The following ZNF701 variants were observed in gnomAD, a reference collection of about 807,000 sequenced individuals.
The protein encoded by ZNF701 is zinc finger protein 701.
Under a neutral mutation model 7.1 loss-of-function variants are expected in ZNF701, and 6 were observed. That is an observed-to-expected ratio of 0.84 (90% CI 0.46 to 1.66). The LOEUF is 1.66. Ranked by LOEUF, ZNF701 falls within the 40% of genes most tolerant of loss-of-function variation. The pLI is 0.01. For synonymous variants in ZNF701, 166 were observed against 188.2 expected (o/e 0.88, Z 0.97); for missense variants, 541 against 559.2 (o/e 0.97, Z 0.33).
chr19:52,575,514 A>AT (rs2059928820), intron 2 of ZNF701, among the ~76,000 whole-genome samples: 1 of 151,150 alleles, frequency 6.6e-6, no homozygotes, highest in African/African-American at 2.4e-5. Context: ...ATTTTATTTT[A>AT]TTTTGAGAGA....
chr19:52,581,378 C>T (rs1232285196), intron 3 of ZNF701, among the ~76,000 whole-genome samples: 2 of 152,104 alleles, frequency 1.3e-5, no homozygotes, highest in Non-Finnish European at 2.9e-5. Flanking sequence ...CACCACCACA[C>T]CTGGCTACTT....
chr19:52,599,211 T>A, the ZNF701 span, among the ~76,000 whole-genome samples: 1 of 151,906 alleles, frequency 6.6e-6, no homozygotes, highest in Admixed American at 6.6e-5. Flanking sequence ...TTTTTTTTTT[T>A]AGAAATTAAA....
At position 52,584,954 on chromosome 19, in the gene ZNF701, G is replaced by A. The variant is rs2146998805; in HGVS notation, c.*1497G>A. On this transcript the variant is annotated 3_prime_UTR_variant, in exon 4 of 4. Transcript: ENST00000391785. ...GACCCGGAAGCTGATGGCATGGACT[G>A]AAGGTTGCCCCGTTGAGTTTGCGCT... The A allele has an allele frequency of 6.6e-6, 1 of 152,478 alleles. No homozygotes were observed. The highest frequency in any genetic ancestry group is 1.5e-5 in the Non-Finnish European group (1 of 68,150). 9.4% of individuals were successfully genotyped at this position (152,478 alleles called of 1,614,324 possible).
the ZNF701 span, among the ~76,000 whole-genome samples, chr19:52,599,701 G>A: frequency 3.9e-5 from 6 of 152,116 alleles, no homozygotes; most frequent in Non-Finnish European, 5.9e-5. Flanking sequence ...ATTTAGAGTT[G>A]ATGTTTCCAC....
At chr19:52,578,253 C>CAAAAAAAAA (rs58385761) in intron 3 of ZNF701, among the ~76,000 whole-genome samples, 1 of 40,928 alleles carries the variant, frequency 2.4e-5, no homozygotes, top group African/African-American at 9.1e-5. Context: ...GACTCCGTCT[C>CAAAAAAAAA]AAAAAAAAAA....
At chr19:52,598,742 C>G in the ZNF701 span, 1 of 152,144 alleles carries the variant, frequency 6.6e-6, no homozygotes, top group Non-Finnish European at 1.5e-5. Context: ...GACCTCATCT[C>G]TACTAAAAAT....
rs370507557 is a variant in ZNF701, at chr19:52,575,916, G to A, written c.37G>A (p.Val13Met). Residue 13 changes from valine to methionine, a missense_variant, in exon 3 of 4, where the codon GTG becomes ATG. Coordinates refer to ENST00000391785, the MANE Select transcript of ZNF701 (RefSeq NM_018260.3). ...TCAGGGTCTACTGACATTCAGGGAT[G>A]TGGCCATAGAATTCTCTCAGGAGGA... Reference protein sequence around the residue: ...LLQGLLTFRDVAIEFSQEEWK... With the variant: ...LLQGLLTFRDMAIEFSQEEWK... The A allele has an allele frequency of 1.8e-5, 28 of 1,541,414 alleles. No homozygotes were observed. The highest frequency in any genetic ancestry group is 2.0e-5 in the Non-Finnish European group (23 of 1,140,956).
intron 3 of ZNF701, among the ~76,000 whole-genome samples, chr19:52,581,146 T>A (rs1011720074): frequency 2.6e-5 from 4 of 151,914 alleles, no homozygotes; most frequent in South Asian, 2.1e-4. Context: ...ACAAAATTTT[T>A]AAAAAAAAGT....
chr19:52,575,508 T>C (rs1258733907), intron 2 of ZNF701, among the ~76,000 whole-genome samples: 1 of 152,042 alleles, frequency 6.6e-6, no homozygotes, highest in East Asian at 1.9e-4. Context: ...TCATGTATTT[T>C]ATTTTATTTT....
In ZNF701 at chr19:52,582,221, G is replaced by T. The variant is rs772324812; in HGVS notation, c.162G>T (p.Met54Ile). Residue 54 changes from methionine (M) to isoleucine (I), a missense_variant, in exon 4 of 4, where the codon ATG becomes ATT. Physicochemically the swap from Met to Ile is conservative, Grantham distance 10 (BLOSUM62 1). Transcript: ENST00000391785. ...LVSLDTSSKC[M>I]MKMFSSTGQG... is the part of the protein sequence containing the mutation. ...TTGTAGATACCTCTTCCAAATGCAT[G>T]ATGAAGATGTTCTCATCAACAGGAC... The T allele has an allele frequency of 1.9e-6, 3 of 1,581,848 alleles. No homozygotes were observed. The East Asian group carries it at 6.7e-5, about 36-fold the overall frequency.
downstream of ZNF701, among the ~76,000 whole-genome samples, chr19:52,588,188 T>A (rs956420705): frequency 5.3e-5 from 8 of 151,828 alleles, no homozygotes; most frequent in Non-Finnish European, 1.0e-4. Flanking sequence ...AGGGAGTGAT[T>A]TCTAAACACT....
intron 3 of ZNF701, among the ~76,000 whole-genome samples, chr19:52,578,025 C>T (rs993372902): frequency 2.6e-5 from 4 of 151,878 alleles, no homozygotes; most frequent in South Asian, 2.1e-4. Flanking sequence ...GGGTCCAAGG[C>T]GGGCAGATCA....
At chr19:52,574,293 C>G (rs986364737) in intron 2 of ZNF701, 131 bp downstream of exon 2, 1 of 1,435,444 alleles carries the variant, frequency 7.0e-7, no homozygotes, top group Non-Finnish European at 9.7e-7. Flanking sequence ...CATGCCTTCC[C>G]TCAGTCCCTG....
chr19:52,571,330 G>A (rs1426571132), intron 1 of ZNF701, among the ~76,000 whole-genome samples: 1 of 152,010 alleles, frequency 6.6e-6, no homozygotes, highest in Middle Eastern at 3.2e-3. Context: ...CCACAGCAGG[G>A]AGGACGCCTG....
downstream of ZNF701, among the ~76,000 whole-genome samples, chr19:52,590,632 C>G (rs538936945): frequency 6.6e-6 from 1 of 152,050 alleles, no homozygotes; most frequent in South Asian, 2.1e-4. Flanking sequence ...TCACTGTGTC[C>G]CTCAGGCTGG....
In ZNF701 at chr19:52,582,896, C is replaced by G; in HGVS notation, c.837C>G (p.Phe279Leu). ...CGTGTAATGAGTGTGGCAAGACATT[C>G]AGTCACAATTCAGCCCTGTTAGTTC... ...PYTCNECGKT[F>L]SHNSALLVHK... The change falls in exon 4 of 4, where the codon TTC becomes TTG. Residue 279 changes from phenylalanine to leucine, a missense_variant. Transcript: ENST00000391785. The G allele has an allele frequency of 6.2e-7, 1 of 1,612,786 alleles. No individual in the cohort carries two copies. The highest frequency in any genetic ancestry group is 8.5e-7 in the Non-Finnish European group (1 of 1,179,220).
chr19:52,582,801 T>C lies in ZNF701; in HGVS notation c.742T>C (p.Cys248Arg). ...AGACAAACAGTATAAATGTGATGTA[T>C]GCGGCAAGGACTTTCATCAGAAGCG... ...LGDKQYKCDVCGKDFHQKRYL... is the reference protein window; with the variant it reads ...LGDKQYKCDVRGKDFHQKRYL... Residue 248 changes from cysteine (C) to arginine (R), a missense_variant, in exon 4 of 4, where the codon TGC (cysteine) becomes CGC (arginine). By Grantham distance (180) the Cys-to-Arg change is radical. Coordinates refer to ENST00000391785, the MANE Select transcript of ZNF701 (RefSeq NM_018260.3). 6.2e-7 allele frequency: 1 copy of C among 1,614,192 alleles called. No individual in the cohort carries two copies. The highest frequency in any genetic ancestry group is 1.3e-5 in the African/African-American group (1 of 75,048).
At chr19:52,579,610 A>C (rs1227923672) in intron 3 of ZNF701, among the ~76,000 whole-genome samples, 1 of 141,272 alleles carries the variant, frequency 7.1e-6, no homozygotes, top group East Asian at 2.0e-4. Context: ...GTAGTGGCTC[A>C]TGCCTATAAT....
chr19:52,591,952 C>A (rs997072865), downstream of ZNF701: 8 of 439,978 alleles, frequency 1.8e-5, no homozygotes, highest in Non-Finnish European at 3.2e-5. Context: ...TGCAACTATA[C>A]AGAAAAAACT....
Sources: allele counts gnomAD v4.1 joint callset (sites outside exome capture counted in the v4.1 genomes callset), GRCh38; gene constraint gnomAD v4.1.1; transcripts MANE v1.5; gene names NCBI Gene and HGNC (gene_info 2026-07-23, HGNC 2026-07-21).